CUX1: variants seen among roughly 807,000 people sequenced by gnomAD.
CUX1 encodes cut like homeobox 1, also known as protein CASP.
CUX1 carries 31 observed loss-of-function variants against 158.8 expected under a neutral mutation model. The ratio of observed to expected loss-of-function variants is 0.20; its 90% CI spans 0.15 to 0.26. The LOEUF is 0.26. Among genes scored for constraint, CUX1 ranks in the 10% least tolerant of loss-of-function variants. The pLI is 1.00. For missense variants in CUX1, 1,589 were observed against 2,014.6 expected (o/e 0.79, Z 4.04); for synonymous variants, 879 against 862.1 (o/e 1.02, Z -0.34).
chr7:101,817,172 C>A, upstream of CUX1: 5 of 984,284 alleles, frequency 5.1e-6, no homozygotes, highest in South Asian at 1.9e-4. The surrounding 1 kb of genome is among the most constrained non-coding windows in gnomAD (Gnocchi z 4.1). Context: ...CCTAGGCAGG[C>A]CCCAAGCTGT....
chr7:102,118,028 G>T (rs1554492329), intron 8 of CUX1, among the ~76,000 whole-genome samples: 1 of 152,184 alleles, frequency 6.6e-6, no homozygotes, highest in African/African-American at 2.4e-5. Flanking sequence ...GAGGCCATGG[G>T]CTCATTCTGA....
chr7:102,194,324 C>G (rs1313462084), intron 13 of CUX1, among the ~76,000 whole-genome samples: 1 of 152,056 alleles, frequency 6.6e-6, no homozygotes, highest in African/African-American at 2.4e-5. Context: ...GAAGGCCAGG[C>G]TCAGTAGCTC....
intron 2 of CUX1, among the ~76,000 whole-genome samples, chr7:102,016,902 G>A (rs1818662373): frequency 6.6e-6 from 1 of 152,216 alleles, no homozygotes; most frequent in Admixed American, 6.5e-5. Flanking sequence ...AGTGGCAAAA[G>A]TCGGAGTCAC....
At chr7:102,138,025 A>C (rs1450591953) in intron 8 of CUX1, among the ~76,000 whole-genome samples, 1 of 152,154 alleles carries the variant, frequency 6.6e-6, no homozygotes, top group African/African-American at 2.4e-5. Context: ...CTCACTAAAA[A>C]AAGTTAAAAA....
intron 17 of CUX1, among the ~76,000 whole-genome samples, chr7:102,277,705 A>G (rs1280408106): frequency 6.6e-6 from 1 of 152,192 alleles, no homozygotes; most frequent in Non-Finnish European, 1.5e-5. Flanking sequence ...GGTGTTTGCC[A>G]TTACTTTTAA....
chr7:102,243,749 C>G (rs149007962), intron 23 of CUX1, among the ~76,000 whole-genome samples: 1 of 151,286 alleles, frequency 6.6e-6, no homozygotes, highest in East Asian at 1.9e-4. Flanking sequence ...CCAGCAGGGG[C>G]GGGCTTGGTG....
intron 3 of CUX1, among the ~76,000 whole-genome samples, chr7:102,050,579 C>T (rs1449013066): frequency 2.6e-5 from 4 of 152,164 alleles, no homozygotes; most frequent in African/African-American, 9.7e-5. Flanking sequence ...CATGTAAACA[C>T]AGGCACCTGC....
chr7:101,926,794 AC>A (rs1805645570), intron 2 of CUX1, among the ~76,000 whole-genome samples: 1 of 152,180 alleles, frequency 6.6e-6, no homozygotes, highest in East Asian at 1.9e-4. Context: ...ATCCCATTTC[AC>A]CCAGGAGGTG....
intron 23 of CUX1, among the ~76,000 whole-genome samples, chr7:102,245,795 A>C (rs1181991939): frequency 6.6e-6 from 1 of 152,034 alleles, no homozygotes; most frequent in Non-Finnish European, 1.5e-5. Context: ...AACATGGTGA[A>C]ACCCCGTCTC....
At chr7:101,986,268 G>C (rs1814285284) in intron 2 of CUX1, among the ~76,000 whole-genome samples, 1 of 152,206 alleles carries the variant, frequency 6.6e-6, no homozygotes, top group Non-Finnish European at 1.5e-5. Context: ...GAGATCAGTA[G>C]GTCTGTCTCC....
intron 3 of CUX1, among the ~76,000 whole-genome samples, chr7:102,060,906 C>CTGGCCTTT (rs1824784493): frequency 7.4e-6 from 1 of 134,998 alleles, no homozygotes. Flanking sequence ...ACCACCGCGC[C>CTGGCCTTT]TGGCCTTTTT....
At position 101,916,529 on chromosome 7, in the gene CUX1, T is replaced by C; in HGVS notation, c.141+304T>C. On this transcript the variant is annotated intron_variant, in intron 2 of 23. Transcript: ENST00000292535. The surrounding 1 kb of genome is among the most constrained non-coding windows in gnomAD (Gnocchi z 4.4). ...GCAGGTGTGTGGGTGTCTCAGACCC[T>C]CGAGCTCATCCCAGACCCTGTCCCA... 1 of 322,976 alleles carries C rather than the reference T, an allele frequency of 3.1e-6. No individual in the cohort carries two copies. The highest frequency in any genetic ancestry group is 6.2e-6 in the Non-Finnish European group (1 of 161,504). 20.0% of individuals were successfully genotyped at this position (322,976 alleles called of 1,614,324 possible). A position where few individuals can be genotyped will look rare whatever the true frequency, so the allele number is the denominator to read the frequency against.
chr7:101,880,841 G>C (rs1799629269), intron 1 of CUX1, among the ~76,000 whole-genome samples: 1 of 152,194 alleles, frequency 6.6e-6, no homozygotes, highest in African/African-American at 2.4e-5. Context: ...AGCCAGCCAG[G>C]CCAGGCCCCC....
At chr7:102,212,494 CAG>C (rs1198346516) in intron 20 of CUX1, among the ~76,000 whole-genome samples, 15 of 152,156 alleles carry the variant, frequency 9.9e-5, no homozygotes, top group African/African-American at 3.6e-4. Flanking sequence ...AGTCATAGCC[CAG>C]AGTCACCGAT....
intron 4 of CUX1, among the ~76,000 whole-genome samples, chr7:102,096,721 CAAAA>C (rs1235140533): frequency 1.3e-5 from 2 of 151,852 alleles, no homozygotes; most frequent in Non-Finnish European, 2.9e-5. Flanking sequence ...AACAAACAAA[CAAAA>C]AAGCATGATC....
intron 1 of CUX1, among the ~76,000 whole-genome samples, chr7:101,832,527 G>A (rs757664146): frequency 5.3e-5 from 8 of 152,172 alleles, no homozygotes; most frequent in Non-Finnish European, 8.8e-5. Context: ...CAAGTGGGGC[G>A]ACAGGACCCA....
intron 21 of CUX1, among the ~76,000 whole-genome samples, chr7:102,228,828 G>A (rs1798628661): frequency 2.0e-5 from 3 of 152,150 alleles, no homozygotes. Context: ...ACCCATTAGA[G>A]CCTGGCATCC....
chr7:101,946,281 G>A (rs1230835558), intron 2 of CUX1, among the ~76,000 whole-genome samples: 3 of 152,126 alleles, frequency 2.0e-5, no homozygotes, highest in Admixed American at 6.5e-5. Flanking sequence ...GCTCACGCCT[G>A]TAATCCCAGC....
chr7:102,263,982 A>G (rs1790612650), intron 14 of CUX1, among the ~76,000 whole-genome samples: 1 of 123,532 alleles, frequency 8.1e-6, no homozygotes, highest in Non-Finnish European at 1.7e-5. Context: ...ATGAGCCACT[A>G]TTCCCAGACA....
Sources: allele counts gnomAD v4.1 joint callset (sites outside exome capture counted in the v4.1 genomes callset), GRCh38; gene constraint gnomAD v4.1.1; non-coding constraint Gnocchi (gnomAD v3.1); transcripts MANE v1.5; gene names NCBI Gene and HGNC (gene_info 2026-07-23, HGNC 2026-07-21).